Variants in MSLN observed in about 807,000 individuals in gnomAD.
The protein encoded by MSLN is mesothelin.
A neutral mutation model predicts 72.6 loss-of-function variants in MSLN; 82 were observed. That is an observed-to-expected ratio of 1.13 (90% CI 0.94 to 1.36). The LOEUF (loss-of-function observed/expected upper bound fraction) is 1.36, where lower values mean the gene tolerates loss of function less well. MSLN is among the 40% of genes most tolerant of loss of function. MSLN has a pLI of 0.00. For synonymous variants in MSLN, 456 were observed against 387.3 expected, an observed-to-expected ratio of 1.18 and a Z score of -2.08; for missense variants, 1,005 against 847.9, an observed-to-expected ratio of 1.19 and a Z score of -2.30.
chr16:766,430 G>T lies in MSLN; in HGVS notation c.1170G>T (p.Thr390=). The change falls in exon 13 of 18, where the codon ACG becomes ACT. Residue 390 remains threonine, a synonymous_variant. Coordinates refer to ENST00000545450, the MANE Select transcript of MSLN (RefSeq NM_005823.6). ...SPEDIRKWNV[T]SLETLKALLE... ...AGGACATTCGCAAGTGGAATGTGACGTCCCTGGAGACCCTGAAGGCTTTGC... is the reference window on the plus strand; with the variant it reads ...AGGACATTCGCAAGTGGAATGTGACTTCCCTGGAGACCCTGAAGGCTTTGC... 1 of 1,612,678 alleles carries T rather than the reference G, an allele frequency of 6.2e-7. No individual in the cohort carries two copies. The highest frequency in any genetic ancestry group is 8.5e-7 in the Non-Finnish European group (1 of 1,179,908).
chr16:763,654 C>G lies in MSLN; in HGVS notation c.142C>G (p.Leu48Val). The change falls in exon 5 of 18, where the codon CTG becomes GTG. Residue 48 changes from leucine (L) to valine (V), a missense_variant. By Grantham distance (32) the Leu-to-Val change is conservative. Transcript: ENST00000545450. ...AGETGQEAAP[L>V]DGVLANPPNI... ...CCTGTGTCCCCAGGAGGCTGCGCCC[C>G]TGGACGGAGTCCTGGCCAACCCACC... 6.2e-7 allele frequency: 1 copy of G among 1,603,676 alleles called. No individual in the cohort carries two copies. Among genetic ancestry groups the G allele is most frequent in the Non-Finnish European group, 8.5e-7 (1 of 1,173,616 alleles).
At chr16:767,152 G>T (rs1168406988) in intron 15 of MSLN, 140 bp downstream of exon 15, 3 of 1,407,292 alleles carry the variant, frequency 2.1e-6, no homozygotes, top group Non-Finnish European at 2.9e-6. Flanking sequence ...GCCCCCCGGG[G>T]TGTGTATGGC....
In MSLN at chr16:765,515, G is replaced by C; in HGVS notation, c.705-12G>C. 1 of 1,599,088 alleles carries C rather than the reference G, an allele frequency of 6.3e-7. No individual in the cohort carries two copies. The highest frequency in any genetic ancestry group is 1.1e-5 in the South Asian group (1 of 89,902). ...GTGGGGGGTCCCTGAGCTGTGTCCC[G>C]TGTCTGCACAGCCCCCCGTCGACAT... On this transcript the variant is annotated splice_polypyrimidine_tract_variant and intron_variant, in intron 9 of 17. Coordinates refer to ENST00000545450, the MANE Select transcript of MSLN (RefSeq NM_005823.6).
At chr16:763,094 C>T (rs2041556676) in intron 3 of MSLN, 139 bp from the exon 4 acceptor site, 2 of 632,994 alleles carry the variant, frequency 3.2e-6, no homozygotes, top group East Asian at 2.9e-5. Flanking sequence ...GGTACATGGG[C>T]CTGAGCCACT....
intron 3 of MSLN, 134 bp downstream of exon 3, chr16:762,899 C>T: frequency 1.4e-6 from 1 of 703,958 alleles, no homozygotes; most frequent in Admixed American, 3.0e-5. Flanking sequence ...GCAGCAGTCT[C>T]TGCCCCCAGA....
chr16:763,919 C>A (rs891502479), intron 5 of MSLN, 104 bp from the exon 6 acceptor site: 1 of 1,507,816 alleles, frequency 6.6e-7, no homozygotes, highest in Non-Finnish European at 8.9e-7. Flanking sequence ...GCAGGGAGCA[C>A]CAGGGTCCTT....
intron 11 of MSLN, 63 bp from the exon 12 acceptor site, chr16:765,996 G>C: frequency 6.7e-7 from 1 of 1,501,332 alleles, no homozygotes. Context: ...CTCACAGGAG[G>C]TGTGGGAGGA....
At chr16:764,212 T>C in intron 6 of MSLN, 69 bp downstream of exon 6, 2 of 1,543,376 alleles carry the variant, frequency 1.3e-6, no homozygotes, top group Non-Finnish European at 1.7e-6. Flanking sequence ...AGCTCTGCAG[T>C]GCCCACCTTG....
In MSLN at chr16:766,406, G is replaced by A. The variant is rs558866756; in HGVS notation, c.1146G>A (p.Glu382=). Residue 382 remains glutamate, a synonymous_variant, in exon 13 of 18, where the codon GAG becomes GAA. Transcript: ENST00000545450. ...ACCTCTTCCTCAAGATGAGCCCTGA[G>A]GACATTCGCAAGTGGAATGTGACGT... ...LGYLFLKMSP[E]DIRKWNVTSL... The A allele has an allele frequency of 1.6e-5, 26 of 1,612,684 alleles. No individual in the cohort carries two copies. The South Asian group carries it at 2.9e-4, about 18-fold the overall frequency.
Position 766,191 on chromosome 16 carries a change from C to G in MSLN, c.1028C>G (p.Pro343Arg). 1 of 1,612,402 alleles carries G rather than the reference C, an allele frequency of 6.2e-7. No individual in the cohort carries two copies. Among genetic ancestry groups the G allele is most frequent in the Non-Finnish European group, 8.5e-7 (1 of 1,179,624 alleles). ...CAGATGGACCGCGTGAACGCCATCC[C>G]CTTCACCTACGAGCAGCTGGACGTC... ...ATQMDRVNAI[P>R]FTYEQLDVLK... The change falls in exon 12 of 18, where the codon CCC (proline) becomes CGC (arginine). Residue 343 changes from proline (P) to arginine (R), a missense_variant. Physicochemically the swap from Pro to Arg is moderately radical, Grantham distance 103. Transcript: ENST00000545450.
chr16:766,188 T>A lies in MSLN; in HGVS notation c.1025T>A (p.Ile342Asn). The change falls in exon 12 of 18, where the codon ATC (isoleucine) becomes AAC (asparagine). Residue 342 changes from isoleucine to asparagine, a missense_variant. Ile to Asn is a moderately radical substitution (Grantham distance 149, BLOSUM62 -3). Coordinates refer to ENST00000545450, the MANE Select transcript of MSLN (RefSeq NM_005823.6). ...ACCCAGATGGACCGCGTGAACGCCATCCCCTTCACCTACGAGCAGCTGGAC... is the reference window on the plus strand; with the variant it reads ...ACCCAGATGGACCGCGTGAACGCCAACCCCTTCACCTACGAGCAGCTGGAC... ...LATQMDRVNA[I>N]PFTYEQLDVL... 6.2e-7 allele frequency: 1 copy of A among 1,612,420 alleles called. No individual in the cohort carries two copies. The highest frequency in any genetic ancestry group is 8.5e-7 in the Non-Finnish European group (1 of 1,179,676).
intron 2 of MSLN, among the ~76,000 whole-genome samples, chr16:761,379 G>A (rs1481732425): frequency 1.3e-5 from 2 of 152,212 alleles, no homozygotes. Flanking sequence ...GTGCCTCCAC[G>A]GCCCCAGCCC....
rs562156073 is a variant in MSLN at position 767,015 on chromosome 16, G to A, written c.1501+3G>A. ...CGTGAAGATCCAGTCCTTCCTGGGT[G>A]AGCCAGGGAGTCCCTGGCCAGGGTG... On this transcript the variant is annotated splice_donor_region_variant and intron_variant, in intron 15 of 17. Transcript: ENST00000545450. 4.4e-6 allele frequency: 7 copies of A among 1,599,990 alleles called. No homozygotes were observed. Among genetic ancestry groups the A allele is most frequent in the East Asian group, 2.3e-5 (1 of 44,298 alleles).
In MSLN at chr16:764,718, A is replaced by G; in HGVS notation, c.372A>G (p.Leu124=). ...ACGCCCTCCCATTGGACCTGCTGCT[A>G]TTCCTCAAGTAGGCCCTGCCCCCTG... ...DLDALPLDLL[L]FLNPDAFSGP... The change falls in exon 7 of 18, where the codon CTA becomes CTG. Residue 124 remains leucine, a synonymous_variant. Coordinates refer to ENST00000545450, the MANE Select transcript of MSLN (RefSeq NM_005823.6). 2 of 1,610,254 alleles carry G rather than the reference A, an allele frequency of 1.2e-6. No individual in the cohort carries two copies. Among genetic ancestry groups the G allele is most frequent in the South Asian group, 1.1e-5 (1 of 91,012 alleles).
chr16:767,457 C>T lies in MSLN; in HGVS notation c.1583C>T (p.Thr528Met), dbSNP rs143402842. The part of the protein sequence containing the change: ...MDLATFMKLR[T>M]DAVLPLTVAE... ...TTGGCCACGTTCATGAAGCTGCGGA[C>T]GGATGCGGTGCTGGTATGGCGAGCG... The change falls in exon 16 of 18, where the codon ACG (threonine) becomes ATG (methionine). Residue 528 changes from threonine to methionine, a missense_variant. Thr to Met is a moderately conservative substitution (Grantham distance 81). Coordinates refer to ENST00000545450, the MANE Select transcript of MSLN (RefSeq NM_005823.6). 7.3e-5 allele frequency: 109 copies of T among 1,500,110 alleles called. No individual in the cohort carries two copies. Among genetic ancestry groups the T allele is most frequent in the African/African-American group, 3.0e-4 (18 of 59,180 alleles). 92.9% of individuals were successfully genotyped at this position (1,500,110 alleles called of 1,614,324 possible).
At position 763,327 on chromosome 16, in the gene MSLN, G is replaced by C. The variant is rs73491246; in HGVS notation, c.129+51G>C. On this transcript the variant is annotated intron_variant, in intron 4 of 17. Coordinates refer to ENST00000545450, the MANE Select transcript of MSLN (RefSeq NM_005823.6). Reference sequence around the variant, plus strand: ...GGAGGGTCTTCAGGTCCCAGGTGGGGGTGCCATGCTGTGTTCTCTCTGTCA... The same window carrying C: ...GGAGGGTCTTCAGGTCCCAGGTGGGCGTGCCATGCTGTGTTCTCTCTGTCA... 2.8e-6 allele frequency: 4 copies of C among 1,422,958 alleles called. No homozygotes were observed. The East Asian group carries it at 7.5e-5, about 27-fold the overall frequency. 88.1% of individuals were successfully genotyped at this position (1,422,958 alleles called of 1,614,324 possible). A position where few individuals can be genotyped will look rare whatever the true frequency, so the allele number is the denominator to read the frequency against.
At position 764,703 on chromosome 16, in the gene MSLN, A is replaced by G; in HGVS notation, c.357A>G (p.Pro119=). Residue 119 remains proline, a synonymous_variant, in exon 7 of 18, where the codon CCA becomes CCG. Transcript: ENST00000545450. ...SEPPEDLDAL[P]LDLLLFLNPD... Reference sequence around the variant, plus strand: ...CCCCCGAGGACCTGGACGCCCTCCCATTGGACCTGCTGCTATTCCTCAAGT... The same window carrying G: ...CCCCCGAGGACCTGGACGCCCTCCCGTTGGACCTGCTGCTATTCCTCAAGT... 1 of 1,611,736 alleles carries G rather than the reference A, an allele frequency of 6.2e-7. No individual in the cohort carries two copies. Among genetic ancestry groups the G allele is most frequent in the East Asian group, 2.2e-5 (1 of 44,862 alleles).
intron 11 of MSLN, 74 bp downstream of exon 11, chr16:765,864 TC>T: frequency 6.9e-7 from 1 of 1,441,946 alleles, no homozygotes; most frequent in African/African-American, 1.4e-5. Context: ...CTTTAGGGTC[TC>T]ACCTGCCCCT....
At chr16:763,351 C>A in intron 4 of MSLN, 75 bp downstream of exon 4, 4 of 1,235,564 alleles carry the variant, frequency 3.2e-6, no homozygotes, top group African/African-American at 1.5e-5. Context: ...TTCTCTCTGT[C>A]ACGTATCCAC....
Sources: allele counts gnomAD v4.1 joint callset (sites outside exome capture counted in the v4.1 genomes callset), GRCh38; gene constraint gnomAD v4.1.1; transcripts MANE v1.5; gene names NCBI Gene and HGNC (gene_info 2026-07-23, HGNC 2026-07-21).